NRCAM: variants seen among roughly 807,000 people sequenced by gnomAD.
NRCAM encodes NgCAM-related cell adhesion molecule.
Under a neutral mutation model 156.5 loss-of-function variants are expected in NRCAM, and 83 were observed. The observed-to-expected ratio is 0.53, with a 90% confidence interval of 0.44 to 0.64. The LOEUF (loss-of-function observed/expected upper bound fraction) is 0.64, where lower values mean the gene tolerates loss of function less well. Ranked by LOEUF, NRCAM falls within the 30% of genes least tolerant of loss-of-function variation. The probability of loss-of-function intolerance (pLI) is 0.00; values close to 1 mark genes in which losing one functional copy is unlikely to be tolerated. For synonymous variants in NRCAM, 538 were observed against 563.9 expected (o/e 0.95, Z 0.65); for missense variants, 1,417 against 1,597.3 (o/e 0.89, Z 1.92).
intron 13 of NRCAM, among the ~76,000 whole-genome samples, chr7:108,205,977 CCA>C (rs2153560296): frequency 6.6e-6 from 1 of 152,298 alleles, no homozygotes; most frequent in Admixed American, 6.5e-5. Flanking sequence ...TGAAACACAA[CCA>C]CAAAGTACTC....
At chr7:108,157,061 C>T (rs1468794672) in intron 32 of NRCAM, among the ~76,000 whole-genome samples, 6 of 151,996 alleles carry the variant, frequency 3.9e-5, no homozygotes, top group Non-Finnish European at 8.8e-5. Flanking sequence ...AGTGATTTTG[C>T]TTGTGGGATT....
intron 13 of NRCAM, among the ~76,000 whole-genome samples, chr7:108,204,265 CA>C (rs1040789320): frequency 2.6e-5 from 4 of 152,074 alleles, no homozygotes; most frequent in Non-Finnish European, 5.9e-5. Flanking sequence ...TATTTTGGAT[CA>C]GGGGAGATCA....
chr7:108,155,087 C>CATATATATATATAT (rs148453642), intron 32 of NRCAM, among the ~76,000 whole-genome samples: 9 of 114,122 alleles, frequency 7.9e-5, no homozygotes, highest in East Asian at 3.4e-4. Context: ...ATTTAAAAGT[C>CATATATATATATAT]ATATATATAT....
chr7:108,327,439 A>G (rs1348674259), intron 2 of NRCAM, among the ~76,000 whole-genome samples: 2 of 152,206 alleles, frequency 1.3e-5, no homozygotes, highest in Non-Finnish European at 2.9e-5. Context: ...CTGCCCTAGG[A>G]AAATGGCAGA....
chr7:108,234,718 A>C, intron 5 of NRCAM, 30 bp from the exon 6 acceptor site: 1 of 1,476,400 alleles, frequency 6.8e-7, no homozygotes. Context: ...AAATGTAAAA[A>C]AACAAATTAT....
intron 2 of NRCAM, chr7:108,313,324 A>G: frequency 6.6e-6 from 1 of 152,206 alleles, no homozygotes; most frequent in East Asian, 1.9e-4. Flanking sequence ...CCAGAGAAAG[A>G]GAGGAAGGAT....
intron 1 of NRCAM, among the ~76,000 whole-genome samples, chr7:108,435,487 A>C (rs138276389): frequency 3.4e-3 from 525 of 152,310 alleles, no homozygotes; most frequent in Admixed American, 6.9e-3. Context: ...AGTGGGTCGA[A>C]AAATACTTGA....
chr7:108,248,436 A>G (rs2096108932), intron 3 of NRCAM, among the ~76,000 whole-genome samples: 1 of 152,040 alleles, frequency 6.6e-6, no homozygotes, highest in South Asian at 2.1e-4. Flanking sequence ...ATGAGTGTGA[A>G]GGGTAGTAAT....
intron 24 of NRCAM, among the ~76,000 whole-genome samples, 155 bp from the exon 25 acceptor site, chr7:108,180,582 A>G (rs2062892574): frequency 6.6e-6 from 1 of 152,248 alleles, no homozygotes; most frequent in East Asian, 1.9e-4. Context: ...TTCTGAGGCA[A>G]GAGGAATAGA....
At chr7:108,173,588 T>G (rs1220479652) in intron 28 of NRCAM, among the ~76,000 whole-genome samples, 3 of 152,192 alleles carry the variant, frequency 2.0e-5, no homozygotes, top group Non-Finnish European at 2.9e-5. Flanking sequence ...TGGCAAAATA[T>G]CCTCTTATGT....
chr7:108,392,543 T>G (rs2099763642), intron 2 of NRCAM, among the ~76,000 whole-genome samples: 1 of 152,194 alleles, frequency 6.6e-6, no homozygotes, highest in African/African-American at 2.4e-5. Context: ...CAGAGAAGTT[T>G]GATCGTCTGA....
At chr7:108,352,641 G>A (rs766258298) in intron 2 of NRCAM, among the ~76,000 whole-genome samples, 41 of 152,154 alleles carry the variant, frequency 2.7e-4, no homozygotes, top group Non-Finnish European at 4.0e-4. Context: ...AAATTGTTAC[G>A]ACAATGTTTT....
At position 108,253,210 on chromosome 7, in the gene NRCAM, G is replaced by A. The variant is rs77895148; in HGVS notation, c.-106-13040C>T. Among the ~76,000 whole-genome samples the A allele has an allele frequency of 7.5e-3, 1,147 of 152,332 alleles. 20 individuals are homozygous for A. Among genetic ancestry groups the A allele is most frequent in the African/African-American group, 0.026 (1,088 of 41,562 alleles). ...TGAATTCAACATAATTCACGCCCTT[G>A]AAGTGCTCAAAGCTGGGCTTGGGAG... is the stretch of plus-strand genomic sequence containing the variant. On this transcript the variant is annotated intron_variant, in intron 3 of 32. Transcript: ENST00000379028.
Position 108,178,107 on chromosome 7 carries a change from T to G in NRCAM, c.2857A>C (p.Ser953Arg), listed in dbSNP as rs1218188589. ...ACAATCTTCAAAGACGAGGGAGCACTGGGGACTTACAGTGAGAACTTACAG... is the reference window on the plus strand; with the variant it reads ...ACAATCTTCAAAGACGAGGGAGCACGGGGGACTTACAGTGAGAACTTACAG... Reference protein sequence around the residue: ...RVFNTPEGVPSAPSSLKIVNP... With the variant: ...RVFNTPEGVPRAPSSLKIVNP... Residue 953 changes from serine to arginine, a missense_variant, in exon 26 of 33, where the codon AGT becomes CGT. Around this residue, in one of 2 missense-constraint regions of NRCAM, gnomAD observed 1,238 missense variants for 1,336.4 expected, o/e 0.93. Coordinates refer to ENST00000379028, the MANE Select transcript of NRCAM (RefSeq NM_001037132.4). 6.2e-7 allele frequency: 1 copy of G among 1,611,860 alleles called. No homozygotes were observed. The highest frequency in any genetic ancestry group is 8.5e-7 in the Non-Finnish European group (1 of 1,179,110).
intron 2 of NRCAM, among the ~76,000 whole-genome samples, chr7:108,383,839 G>C (rs1189002576): frequency 6.6e-6 from 1 of 151,982 alleles, no homozygotes; most frequent in Admixed American, 6.6e-5. Context: ...TTTTTCTTCT[G>C]ACTCTCAAAG....
At chr7:108,153,399 C>T (rs1424979459) in intron 32 of NRCAM, among the ~76,000 whole-genome samples, 2 of 151,652 alleles carry the variant, frequency 1.3e-5, no homozygotes, top group East Asian at 1.9e-4. Context: ...AACACCCATT[C>T]ATGATAAAAA....
At chr7:108,191,886 T>A in intron 17 of NRCAM, 33 bp from the exon 18 acceptor site, 2 of 1,602,642 alleles carry the variant, frequency 1.2e-6, no homozygotes. Context: ...GCAGCTGAAA[T>A]GGACATGCAG....
At chr7:108,400,748 G>A (rs1412274804) in intron 1 of NRCAM, among the ~76,000 whole-genome samples, 1 of 152,070 alleles carries the variant, frequency 6.6e-6, no homozygotes, top group Admixed American at 6.6e-5. Context: ...AAGAGGTACA[G>A]TGACTTACAC....
At chr7:108,366,506 GATA>G (rs1327638375) in intron 2 of NRCAM, among the ~76,000 whole-genome samples, 3 of 152,204 alleles carry the variant, frequency 2.0e-5, no homozygotes, top group Admixed American at 6.5e-5. Flanking sequence ...CTCCACATCA[GATA>G]ACTTGAATTT....
Sources: gnomAD v4.1 joint callset for allele counts (sites outside exome capture counted in the v4.1 genomes callset) on GRCh38, gnomAD v4.1.1 for gene constraint, gnomAD v4.1.1 regional missense constraint, MANE v1.5 for transcripts, NCBI Gene and HGNC (gene_info 2026-07-23, HGNC 2026-07-21) for gene names.